SPOCK1: variants seen among roughly 807,000 people sequenced by gnomAD.
SPOCK1 encodes SPARC (osteonectin), cwcv and kazal like domains proteoglycan 1.
A neutral mutation model predicts 55.3 loss-of-function variants in SPOCK1; 23 were observed. That is an observed-to-expected ratio of 0.42 (90% CI 0.30 to 0.59). The LOEUF (loss-of-function observed/expected upper bound fraction) is 0.59. Ranked by LOEUF, SPOCK1 falls within the 20% of genes least tolerant of loss-of-function variation. The pLI is 0.22. For missense variants in SPOCK1, 499 were observed against 552.5 expected, an observed-to-expected ratio of 0.90 and a Z score of 0.97; for synonymous variants, 226 against 221.0, an observed-to-expected ratio of 1.02 and a Z score of -0.20.
chr5:137,460,943 C>A (rs538479750), intron 2 of SPOCK1, among the ~76,000 whole-genome samples: 1 of 152,306 alleles, frequency 6.6e-6, no homozygotes, highest in African/African-American at 2.4e-5. Context: ...GCCTTCCTGG[C>A]TGCTCTTATT....
chr5:137,440,265 G>A (rs1752968053), intron 2 of SPOCK1, among the ~76,000 whole-genome samples: 1 of 140,404 alleles, frequency 7.1e-6, no homozygotes, highest in Admixed American at 7.2e-5. Flanking sequence ...TTAATAGAGA[G>A]TTGAAAGATA....
rs1030514676 is a variant in SPOCK1, at chr5:137,155,551, T to C, written c.233-14857A>G. ...CACTCCATCAACAGCAGAAAGGAGATGAAATACGGGGATACCCTTTCTCCA... is the reference window on the plus strand; with the variant it reads ...CACTCCATCAACAGCAGAAAGGAGACGAAATACGGGGATACCCTTTCTCCA... On this transcript the variant is annotated intron_variant, in intron 3 of 10. Coordinates refer to ENST00000394945, the MANE Select transcript of SPOCK1 (RefSeq NM_004598.4). 4.6e-5 allele frequency among the ~76,000 whole-genome samples: 7 copies of C among 152,200 alleles called. No homozygotes were observed. In the East Asian group the frequency reaches 1.3e-3, roughly 29 times the overall value.
At chr5:137,039,269 AC>A (rs1751943217) in intron 6 of SPOCK1, among the ~76,000 whole-genome samples, 1 of 59,192 alleles carries the variant, frequency 1.7e-5, no homozygotes, top group African/African-American at 6.3e-5. Context: ...TGCCTGCCAC[AC>A]TTTTTTTTTT....
chr5:137,109,103 G>T (rs556588040), intron 5 of SPOCK1, among the ~76,000 whole-genome samples: 2 of 152,296 alleles, frequency 1.3e-5, no homozygotes, highest in Non-Finnish European at 1.5e-5. Context: ...TTTTGCTGGG[G>T]TTTGATGTAC....
intron 3 of SPOCK1, among the ~76,000 whole-genome samples, chr5:137,189,127 G>A (rs534713853): frequency 6.6e-6 from 1 of 152,362 alleles, no homozygotes; most frequent in African/African-American, 2.4e-5. Flanking sequence ...TAACACAAAA[G>A]TGCAAGGTGA....
Position 137,472,384 on chromosome 5 carries a change from A to C in SPOCK1, c.186+25989T>G, listed in dbSNP as rs527279408. On this transcript the variant is annotated intron_variant, in intron 2 of 10. Coordinates refer to ENST00000394945, the MANE Select transcript of SPOCK1 (RefSeq NM_004598.4). ...AAGAATGTATTAGGTGTACAAAAAAAAAAAAGCTCAGTGCAAACTAACATT... is the reference window on the plus strand; with the variant it reads ...AAGAATGTATTAGGTGTACAAAAAACAAAAAGCTCAGTGCAAACTAACATT... Among the ~76,000 whole-genome samples, 538 of 152,342 alleles carry C rather than the reference A, an allele frequency of 3.5e-3. 4 individuals are homozygous for C. The highest frequency in any genetic ancestry group is 5.8e-3 in the Non-Finnish European group (397 of 68,024).
At chr5:137,232,129 A>G (rs1756075427) in intron 3 of SPOCK1, among the ~76,000 whole-genome samples, 1 of 151,984 alleles carries the variant, frequency 6.6e-6, no homozygotes, top group Non-Finnish European at 1.5e-5. Context: ...ATTTGCAAAT[A>G]TTTTCCAGTC....
chr5:137,070,584 C>A (rs917117789), intron 5 of SPOCK1, among the ~76,000 whole-genome samples: 2 of 152,196 alleles, frequency 1.3e-5, no homozygotes, highest in African/African-American at 4.8e-5. Flanking sequence ...TCTGCCTGCA[C>A]AAGGAAGGAA....
intron 3 of SPOCK1, among the ~76,000 whole-genome samples, 181 bp downstream of exon 3, chr5:137,266,829 C>T (rs963424844): frequency 1.5e-4 from 23 of 152,024 alleles, no homozygotes; most frequent in Admixed American, 5.2e-4. Flanking sequence ...CTAGATATAA[C>T]CTCAGACAAA....
intron 5 of SPOCK1, among the ~76,000 whole-genome samples, chr5:137,082,159 T>C (rs1333404137): frequency 6.6e-6 from 1 of 152,170 alleles, no homozygotes; most frequent in Non-Finnish European, 1.5e-5. Flanking sequence ...CACTCTCCTT[T>C]TCTATTTACT....
At chr5:137,101,224 A>T (rs1168866174) in intron 5 of SPOCK1, among the ~76,000 whole-genome samples, 1 of 152,256 alleles carries the variant, frequency 6.6e-6, no homozygotes, top group South Asian at 2.1e-4. Flanking sequence ...CAGTGATTTA[A>T]TTAGGCTTAT....
intron 2 of SPOCK1, among the ~76,000 whole-genome samples, chr5:137,301,353 T>C (rs115825579): frequency 3.7e-4 from 56 of 152,328 alleles, no homozygotes; most frequent in African/African-American, 1.3e-3. Context: ...AGAGGCATCA[T>C]GACAATAATA....
intron 5 of SPOCK1, among the ~76,000 whole-genome samples, chr5:137,094,542 T>C (rs1753107257): frequency 6.6e-6 from 1 of 152,188 alleles, no homozygotes; most frequent in South Asian, 2.1e-4. Flanking sequence ...GGTCTAAAAA[T>C]AATGTACATG....
At chr5:137,453,354 T>C (rs1256134694) in intron 2 of SPOCK1, among the ~76,000 whole-genome samples, 1 of 152,110 alleles carries the variant, frequency 6.6e-6, no homozygotes, top group Non-Finnish European at 1.5e-5. Context: ...CCCTGTGTGC[T>C]CTCTGTGATA....
intron 6 of SPOCK1, among the ~76,000 whole-genome samples, chr5:136,993,476 A>G (rs978004171): frequency 6.6e-6 from 1 of 152,194 alleles, no homozygotes; most frequent in African/African-American, 2.4e-5. Context: ...TCCAAGCAGT[A>G]GGCTGCTACC....
intron 3 of SPOCK1, among the ~76,000 whole-genome samples, chr5:137,148,588 T>C (rs529052486): frequency 3.3e-5 from 5 of 152,142 alleles, no homozygotes; most frequent in Admixed American, 3.3e-4. Context: ...AAGGGGGAAT[T>C]AAATAGAAAG....
intron 2 of SPOCK1, among the ~76,000 whole-genome samples, chr5:137,367,501 G>GA (rs1751099592): frequency 6.6e-6 from 1 of 152,228 alleles, no homozygotes; most frequent in East Asian, 1.9e-4. Flanking sequence ...ACAACTTAAT[G>GA]AAAAAAATAT....
intron 3 of SPOCK1, among the ~76,000 whole-genome samples, chr5:137,147,935 G>A (rs563231715): frequency 2.0e-4 from 31 of 152,240 alleles, no homozygotes; most frequent in African/African-American, 6.7e-4. Context: ...AATTTGAAAC[G>A]GTAAAGTAAC....
chr5:137,294,316 T>C (rs968102290), intron 2 of SPOCK1, among the ~76,000 whole-genome samples: 1 of 152,116 alleles, frequency 6.6e-6, no homozygotes, highest in African/African-American at 2.4e-5. Context: ...ACAGGCAAAA[T>C]GGCTTGGATT....
Sources: gnomAD v4.1 joint callset for allele counts (sites outside exome capture counted in the v4.1 genomes callset) on GRCh38, gnomAD v4.1.1 for gene constraint, MANE v1.5 for transcripts, NCBI Gene and HGNC (gene_info 2026-07-23, HGNC 2026-07-21) for gene names.